The following NT5DC2 variants were observed in gnomAD, a reference collection of about 807,000 sequenced individuals.
NT5DC2 encodes the protein 5'-nucleotidase domain containing 2, also known as 5'-nucleotidase domain-containing protein 2.
A neutral mutation model predicts 70.0 loss-of-function variants in NT5DC2; 41 were observed. The ratio of observed to expected loss-of-function variants is 0.59; its 90% confidence interval spans 0.46 to 0.76. The LOEUF is 0.76. NT5DC2 is among the 30% of genes least tolerant of loss of function. The pLI, the probability that NT5DC2 is intolerant of heterozygous loss-of-function variation, is 0.00. For missense variants in NT5DC2, 705 were observed against 783.2 expected, an observed-to-expected ratio of 0.90 and a Z score of 1.19; for synonymous variants, 299 against 310.4, an observed-to-expected ratio of 0.96 and a Z score of 0.39.
At chr3:52,534,387 G>C, upstream of NT5DC2, 1 of 1,347,828 alleles carries the variant, frequency 7.4e-7, no homozygotes, top group African/African-American at 1.4e-5. Context: ...CGCGCTTCCC[G>C]GTGCCAGGCC....
chr3:52,526,598 G>T (rs1315944669), intron 10 of NT5DC2: 1 of 152,280 alleles, frequency 6.6e-6, no homozygotes, highest in Non-Finnish European at 1.5e-5. Context: ...GACTTGTTCT[G>T]GCTGCAGCAG....
intron 1 of NT5DC2, among the ~76,000 whole-genome samples, chr3:52,530,424 AAGG>A (rs969658010): frequency 1.3e-5 from 2 of 152,138 alleles, no homozygotes; most frequent in African/African-American, 4.8e-5. Flanking sequence ...AAGGAAAGGG[AAGG>A]AGATGTGCTA....
In NT5DC2 at chr3:52,528,699, G is replaced by GC. The variant is rs1491031584; in HGVS notation, c.493-8dup. The GC allele has an allele frequency of 6.2e-7, 1 of 1,602,096 alleles. No homozygotes were observed. Among genetic ancestry groups the GC allele is most frequent in the East Asian group, 2.3e-5 (1 of 44,358 alleles). ...CAATCTTCATCAGAAGGCTCTGGGG[G>GC]CGCCAGGGAGGCAGGACGGATGGTG... On this transcript the variant is annotated splice_polypyrimidine_tract_variant and splice_region_variant and intron_variant, in intron 3 of 13. Transcript: ENST00000422318.
chr3:52,534,760 C>T, upstream of NT5DC2: 7 of 1,459,030 alleles, frequency 4.8e-6, no homozygotes, highest in Non-Finnish European at 6.5e-6. Flanking sequence ...GGGGAGCCAG[C>T]TGGGCGCGCG....
At chr3:52,528,333 C>G (rs765774818) in intron 5 of NT5DC2, 22 bp from the exon 6 acceptor site, 2 of 1,613,186 alleles carry the variant, frequency 1.2e-6, no homozygotes, top group South Asian at 2.2e-5. Context: ...GCCATTGTCT[C>G]AGACACCCTT....
Position 52,524,487 on chromosome 3 carries a change from T to C in NT5DC2, c.1657A>G (p.Met553Val), listed in dbSNP as rs756366185. ...AGGTGCCCTCAGCGGATGTGGGCCATGTCACCAAGGAAGGGGGTCTTCATG... is the reference window on the plus strand; with the variant it reads ...AGGTGCCCTCAGCGGATGTGGGCCACGTCACCAAGGAAGGGGGTCTTCATG... Reference protein sequence around the residue: ...GCMKTPFLGDMAHIR With the variant: ...GCMKTPFLGDVAHIR Residue 553 changes from methionine (M) to valine (V), a missense_variant, in exon 14 of 14, where the codon ATG becomes GTG. Transcript: ENST00000422318. The C allele has an allele frequency of 4.3e-6, 7 of 1,612,856 alleles. No individual in the cohort carries two copies. Among genetic ancestry groups the C allele is most frequent in the Non-Finnish European group, 5.9e-6 (7 of 1,180,006 alleles).
chr3:52,526,247 G>A (rs937105323), intron 10 of NT5DC2: 2 of 152,558 alleles, frequency 1.3e-5, no homozygotes, highest in Non-Finnish European at 2.9e-5. Context: ...CTGGGCCCGA[G>A]GGCTGTGGAG....
chr3:52,525,146 G>A, intron 11 of NT5DC2, 43 bp from the exon 12 acceptor site: 1 of 1,299,424 alleles, frequency 7.7e-7, no homozygotes. Context: ...GCCAGTTGCT[G>A]GGGGCGGGGG....
Position 52,525,245 on chromosome 3 carries a change from C to T in NT5DC2, c.1170G>A (p.Val390=). Residue 390 remains valine (V), a synonymous_variant, in exon 11 of 14, where the codon GTG becomes GTA. Coordinates refer to ENST00000422318, the MANE Select transcript of NT5DC2 (RefSeq NM_001134231.2). The part of the protein sequence containing the change: ...LRLTEWRGPR[V]LYFGDHLYSD... ...TATAGAGGTGGTCCCCGAAGTAGAG[C>T]ACGCGGGGGCCACGCCATTCCGTCA... 1 of 1,612,766 alleles carries T rather than the reference C, an allele frequency of 6.2e-7. No homozygotes were observed. The highest frequency in any genetic ancestry group is 8.5e-7 in the Non-Finnish European group (1 of 1,179,942).
At position 52,529,237 on chromosome 3, in the gene NT5DC2, G is replaced by T. The variant is rs1471707474; in HGVS notation, c.330C>A (p.Asp110Glu). The change falls in exon 2 of 14, where the codon GAC becomes GAA. Residue 110 changes from aspartate to glutamate, a missense_variant. Physicochemically the swap from Asp to Glu is conservative, Grantham distance 45. Transcript: ENST00000422318. The surrounding 1 kb of genome is among the most constrained non-coding windows in gnomAD (Gnocchi z 4.1). Reference protein sequence around the residue: ...SLRDVEVYGFDYDYTLAQYAD... With the variant: ...SLRDVEVYGFEYDYTLAQYAD... ...CATACTGGGCCAGGGTGTAGTCGTA[G>T]TCAAAGCCGTAGACCTCAACGTCAC... The T allele has an allele frequency of 6.2e-7, 1 of 1,613,986 alleles. No homozygotes were observed. The highest frequency in any genetic ancestry group is 1.3e-5 in the African/African-American group (1 of 74,918).
chr3:52,529,841 C>T lies in NT5DC2; in HGVS notation c.233-507G>A. On this transcript the variant is annotated intron_variant, in intron 1 of 13. Transcript: ENST00000422318. The surrounding 1 kb of genome is among the most constrained non-coding windows in gnomAD (Gnocchi z 4.1). ...TGCTCCTCTCAGCTGCCCTGCCCTGCCCCCTGGCCTCATCTCTCAGCCTCC... is the reference window on the plus strand; with the variant it reads ...TGCTCCTCTCAGCTGCCCTGCCCTGTCCCCTGGCCTCATCTCTCAGCCTCC... 5.8e-6 allele frequency: 1 copy of T among 172,552 alleles called. No individual in the cohort carries two copies. The highest frequency in any genetic ancestry group is 1.4e-4 in the South Asian group (1 of 7,216). 10.7% of individuals were successfully genotyped at this position (172,552 alleles called of 1,614,324 possible).
At chr3:52,524,909 T>G (rs781004177) in intron 12 of NT5DC2, 28 bp from the exon 13 acceptor site, 6 of 1,611,440 alleles carry the variant, frequency 3.7e-6, no homozygotes, top group Non-Finnish European at 4.2e-6. Flanking sequence ...GCATTGGGTG[T>G]GTGCACCCAG....
intron 10 of NT5DC2, among the ~76,000 whole-genome samples, chr3:52,527,032 G>A (rs1013486865): frequency 3.9e-5 from 6 of 152,200 alleles, no homozygotes; most frequent in Admixed American, 2.0e-4. Context: ...TGCAGACAAG[G>A]GAAGCAAGGC....
At chr3:52,528,600 G>A (rs1404945250) in intron 4 of NT5DC2, 37 bp downstream of exon 4, 3 of 1,584,294 alleles carry the variant, frequency 1.9e-6, no homozygotes, top group Non-Finnish European at 2.6e-6. Context: ...GCAGTGTAGG[G>A]TGGGGCGGGG....
rs1421721260 is a variant in NT5DC2, at chr3:52,525,062, G to C, written c.1248C>G (p.Ile416Met). The change falls in exon 12 of 14, where the codon ATC (isoleucine) becomes ATG (methionine). Residue 416 changes from isoleucine (I) to methionine (M), a missense_variant. Transcript: ENST00000422318. ...LRHGWRTGAIIPELEREIRII... is the reference protein window; with the variant it reads ...LRHGWRTGAIMPELEREIRII... ...TGCGGATCTCACGCTCCAGCTCGGG[G>C]ATGATGGCGCCTGTGCGCCAGCCGT... is the stretch of plus-strand genomic sequence containing the variant. 1.3e-6 allele frequency: 2 copies of C among 1,596,336 alleles called. No individual in the cohort carries two copies. Among genetic ancestry groups the C allele is most frequent in the Admixed American group, 3.5e-5 (2 of 57,604 alleles).
chr3:52,528,623 C>G lies in NT5DC2; in HGVS notation c.548+14G>C. ...GGGTGGGGCGGGGGTGGGGTTGGGG[C>G]AGAGCCGACTGACCTGTAGGCTGTC... On this transcript the variant is annotated intron_variant, in intron 4 of 13. Coordinates refer to ENST00000422318, the MANE Select transcript of NT5DC2 (RefSeq NM_001134231.2). 5 of 1,575,536 alleles carry G rather than the reference C, an allele frequency of 3.2e-6. No individual in the cohort carries two copies. The highest frequency in any genetic ancestry group is 4.3e-6 in the Non-Finnish European group (5 of 1,160,850).
rs1259164572 is a variant in NT5DC2, at chr3:52,527,617, T to A, written c.1037A>T (p.Lys346Met). ...DKPSFFTDRR[K>M]PFRKLDEKGS... The stretch of plus-strand genomic sequence containing the variant: ...CCTGCAACCCCCACCATGCCCATAC[T>A]TGCGCCGGTCAGTGAAGAAGCTGGG... The change falls in exon 9 of 14, where the codon AAG becomes ATG. Residue 346 changes from lysine (K) to methionine (M), a missense_variant and splice_region_variant. By Grantham distance (95) the Lys-to-Met change is moderately conservative (BLOSUM62 -1). Coordinates refer to ENST00000422318, the MANE Select transcript of NT5DC2 (RefSeq NM_001134231.2). The A allele has an allele frequency of 1.2e-6, 2 of 1,612,862 alleles. No homozygotes were observed. The highest frequency in any genetic ancestry group is 2.2e-5 in the South Asian group (2 of 91,072).
rs1559739478 is a variant in NT5DC2, at chr3:52,529,026, C to T, written c.418-91G>A. 17 of 1,584,446 alleles carry T rather than the reference C, an allele frequency of 1.1e-5. No individual in the cohort carries two copies. Among genetic ancestry groups the T allele is most frequent in the Non-Finnish European group, 1.2e-5 (14 of 1,154,694 alleles). On this transcript the variant is annotated intron_variant, in intron 2 of 13. Coordinates refer to ENST00000422318, the MANE Select transcript of NT5DC2 (RefSeq NM_001134231.2). This position sits in a 1 kb window ranked among gnomAD's most constrained non-coding sequence, Gnocchi z 4.1. ...CCCAGGGGGTCAATCCAGCCACCTG[C>T]CCAGGGCAGCTGCCAGGCAAGAGGG...
At chr3:52,525,935 A>G (rs1001258857) in intron 10 of NT5DC2, 1 of 152,440 alleles carries the variant, frequency 6.6e-6, no homozygotes, top group African/African-American at 2.4e-5. Flanking sequence ...CGCTGGGGGA[A>G]ACAGGTGGTG....
Sources: allele counts gnomAD v4.1 joint callset (sites outside exome capture counted in the v4.1 genomes callset), GRCh38; gene constraint gnomAD v4.1.1; non-coding constraint Gnocchi (gnomAD v3.1); transcripts MANE v1.5; gene names NCBI Gene and HGNC (gene_info 2026-07-23, HGNC 2026-07-21).